CAMSAP2: variants seen among roughly 807,000 people sequenced by gnomAD.
CAMSAP2 encodes the protein calmodulin regulated spectrin associated protein family member 2, also known as calmodulin-regulated spectrin-associated protein 2.
A neutral mutation model predicts 146.1 loss-of-function variants in CAMSAP2; 26 were observed. That is an observed-to-expected ratio of 0.18 (90% CI 0.13 to 0.25). The LOEUF is 0.25. Ranked by LOEUF, CAMSAP2 falls within the 10% of genes least tolerant of loss-of-function variation. CAMSAP2 has a pLI of 1.00. For missense variants in CAMSAP2, 1,381 were observed against 1,759.3 expected, an observed-to-expected ratio of 0.78 and a Z score of 3.85; for synonymous variants, 499 against 596.6, an observed-to-expected ratio of 0.84 and a Z score of 2.38.
At position 200,849,421 on chromosome 1, in the gene CAMSAP2, T is replaced by A; in HGVS notation, c.2652T>A (p.Ile884=). ...EGEILEYTKS[I]EKLNSSLHFL... The stretch of plus-strand genomic sequence containing the variant: ...AGATTTTAGAATATACCAAATCCAT[T>A]GAAAAGTTAAATTCATCCCTGCATT... Residue 884 remains isoleucine (I), a synonymous_variant, in exon 11 of 17, where the codon ATT becomes ATA. Transcript: ENST00000358823. This position sits in a 1 kb window ranked among gnomAD's most constrained non-coding sequence, Gnocchi z 6.3. 1.2e-6 allele frequency: 2 copies of A among 1,614,176 alleles called. No homozygotes were observed. Among genetic ancestry groups the A allele is most frequent in the Admixed American group, 3.3e-5 (2 of 60,024 alleles).
At position 200,850,946 on chromosome 1, in the gene CAMSAP2, C is replaced by G. The variant is rs141305530; in HGVS notation, c.3465+712C>G. 5.9e-3 allele frequency among the ~76,000 whole-genome samples: 903 copies of G among 152,290 alleles called. 7 individuals carry two copies. Among genetic ancestry groups the G allele is most frequent in the Non-Finnish European group, 8.8e-3 (597 of 68,020 alleles). On this transcript the variant is annotated intron_variant, in intron 11 of 16. Coordinates refer to ENST00000358823, the MANE Select transcript of CAMSAP2 (RefSeq NM_203459.4). ...CATTCAGGGACTTTCACAGATGAAC[C>G]TAAATCTTTTTGTCTAGCTTCTTCC...
chr1:200,791,740 CTAGT>C (rs1345796733), intron 2 of CAMSAP2, among the ~76,000 whole-genome samples: 1 of 151,956 alleles, frequency 6.6e-6, no homozygotes, highest in Non-Finnish European at 1.5e-5. Context: ...TTTGTGCGAG[CTAGT>C]TAGATATGTT....
chr1:200,851,560 T>C (rs1667620446), intron 11 of CAMSAP2, among the ~76,000 whole-genome samples: 1 of 152,200 alleles, frequency 6.6e-6, no homozygotes, highest in Non-Finnish European at 1.5e-5. Flanking sequence ...TATATGTAAT[T>C]TGATAGATGA....
intron 4 of CAMSAP2, among the ~76,000 whole-genome samples, chr1:200,815,978 G>A (rs1666472097): frequency 1.3e-5 from 2 of 152,200 alleles, no homozygotes; most frequent in African/African-American, 4.8e-5. Flanking sequence ...ATGCAATGCA[G>A]CAAGACCAAC....
intron 2 of CAMSAP2, among the ~76,000 whole-genome samples, chr1:200,763,029 A>T (rs1406072262): frequency 6.6e-6 from 1 of 152,004 alleles, no homozygotes; most frequent in African/African-American, 2.4e-5. Flanking sequence ...CCTCCCAAGT[A>T]GCTGAGATTA....
At chr1:200,834,725 G>A (rs1230824541) in intron 6 of CAMSAP2, among the ~76,000 whole-genome samples, 2 of 152,168 alleles carry the variant, frequency 1.3e-5, no homozygotes, top group East Asian at 3.9e-4. Flanking sequence ...ACCGGCCTGG[G>A]CAACATAGTG....
intron 2 of CAMSAP2, among the ~76,000 whole-genome samples, chr1:200,784,695 AAC>A (rs1270086276): frequency 2.0e-5 from 3 of 152,318 alleles, no homozygotes; most frequent in African/African-American, 4.8e-5. Flanking sequence ...TCTGTGAATA[AAC>A]ACAGTTTTAC....
chr1:200,801,021 T>A (rs1383503665), intron 2 of CAMSAP2, among the ~76,000 whole-genome samples: 3 of 152,208 alleles, frequency 2.0e-5, no homozygotes, highest in Non-Finnish European at 4.4e-5. Flanking sequence ...ATTGCAGCAC[T>A]TTGGGAGGCC....
chr1:200,765,103 CA>C (rs959639853), intron 2 of CAMSAP2, among the ~76,000 whole-genome samples: 1 of 150,594 alleles, frequency 6.6e-6, no homozygotes, highest in Non-Finnish European at 1.5e-5. Flanking sequence ...GATTCCATCT[CA>C]AAAAAAACAA....
chr1:200,821,478 GTCT>G (rs1666762710), intron 4 of CAMSAP2, among the ~76,000 whole-genome samples: 1 of 151,878 alleles, frequency 6.6e-6, no homozygotes, highest in Non-Finnish European at 1.5e-5. Context: ...CCAATGTGTA[GTCT>G]TCTGTGGTCA....
At chr1:200,773,358 A>G (rs1558170629) in intron 2 of CAMSAP2, among the ~76,000 whole-genome samples, 2 of 151,924 alleles carry the variant, frequency 1.3e-5, no homozygotes, top group African/African-American at 4.8e-5. Flanking sequence ...GGTTCAGGTG[A>G]TTCTCTTGCC....
rs375118896 is a variant in CAMSAP2, at chr1:200,849,823, A to G, written c.3054A>G (p.Ser1018=). ...GTCAAGTTCCTATTCAAACTAGGTC[A>G]TTTGTATGTTTTGGGGATGATGGAG... ...SPSQVPIQTR[S]FVCFGDDGEP... Residue 1018 remains serine (S), a synonymous_variant, in exon 11 of 17, where the codon TCA becomes TCG. Transcript: ENST00000358823. This position sits in a 1 kb window ranked among gnomAD's most constrained non-coding sequence, Gnocchi z 6.3. The G allele has an allele frequency of 6.2e-7, 1 of 1,614,072 alleles. No homozygotes were observed. Among genetic ancestry groups the G allele is most frequent in the Non-Finnish European group, 8.5e-7 (1 of 1,180,034 alleles).
Position 200,820,458 on chromosome 1 carries a change from G to A in CAMSAP2, c.645+4814G>A, listed in dbSNP as rs187057919. Among the ~76,000 whole-genome samples, 7 of 152,292 alleles carry A rather than the reference G, an allele frequency of 4.6e-5. No homozygotes were observed. The South Asian group carries it at 1.2e-3, about 27-fold the overall frequency. On this transcript the variant is annotated intron_variant, in intron 4 of 16. Transcript: ENST00000358823. ...TATTTTGCAAGGGAGTAGGAATTAG[G>A]TGAAGGAATTACCTTTGGAGAAAAG...
chr1:200,837,938 T>C (rs1667224826), intron 6 of CAMSAP2, among the ~76,000 whole-genome samples: 1 of 152,214 alleles, frequency 6.6e-6, no homozygotes, highest in Non-Finnish European at 1.5e-5. Context: ...CCTGAGACTT[T>C]GCTGAAGTTG....
chr1:200,764,827 G>A (rs1318140622), intron 2 of CAMSAP2, among the ~76,000 whole-genome samples: 2 of 152,130 alleles, frequency 1.3e-5, no homozygotes, highest in African/African-American at 4.8e-5. Flanking sequence ...GATGTGGCTG[G>A]GCTCAGTGGC....
In CAMSAP2 at chr1:200,848,225, A is replaced by G; in HGVS notation, c.1456A>G (p.Ile486Val). 6.2e-7 allele frequency: 1 copy of G among 1,613,884 alleles called. No homozygotes were observed. Among genetic ancestry groups the G allele is most frequent in the Non-Finnish European group, 8.5e-7 (1 of 1,179,846 alleles). ...PINGEEEAES[I>V]EEELNIDSHS... ...AAATGGAGAAGAGGAAGCAGAGAGC[A>G]TTGAAGAAGAACTTAATATAGATTC... The change falls in exon 11 of 17, where the codon ATT becomes GTT. Residue 486 changes from isoleucine (I) to valine (V), a missense_variant. Physicochemically the swap from Ile to Val is conservative, Grantham distance 29. Transcript: ENST00000358823.
intron 2 of CAMSAP2, among the ~76,000 whole-genome samples, chr1:200,784,085 G>C (rs887367702): frequency 2.0e-5 from 3 of 151,668 alleles, no homozygotes; most frequent in Non-Finnish European, 4.4e-5. Context: ...ATTTATTGAA[G>C]ACTGTTGTCT....
chr1:200,847,110 A>G, intron 8 of CAMSAP2, 100 bp from the exon 9 acceptor site: 1 of 764,628 alleles, frequency 1.3e-6, no homozygotes, highest in Non-Finnish European at 2.1e-6. Flanking sequence ...TTTAGGTTGT[A>G]GAATGAGAGG....
intron 4 of CAMSAP2, among the ~76,000 whole-genome samples, chr1:200,826,429 C>CAA (rs780171804): frequency 3.1e-5 from 3 of 96,844 alleles, no homozygotes; most frequent in Non-Finnish European, 6.6e-5. Context: ...GAGACTGTCT[C>CAA]AAAAAAAAAA....
Sources: gnomAD v4.1 joint callset for allele counts (sites outside exome capture counted in the v4.1 genomes callset) on GRCh38, gnomAD v4.1.1 for gene constraint, Gnocchi (gnomAD v3.1) non-coding constraint, MANE v1.5 for transcripts, NCBI Gene and HGNC (gene_info 2026-07-23, HGNC 2026-07-21) for gene names.